The following WWOX variants were observed in gnomAD, a reference collection of about 807,000 sequenced individuals.
WWOX encodes the protein WW domain-containing oxidoreductase.
Under a neutral mutation model 46.2 loss-of-function variants are expected in WWOX, and 69 were observed. That is an observed-to-expected ratio of 1.49 (90% CI 1.23 to 1.82). The LOEUF is 1.82. WWOX is among the 40% of genes most tolerant of loss of function. WWOX has a pLI of 0.00. For missense variants in WWOX, 919 were observed against 542.6 expected (o/e 1.69, Z -6.89); for synonymous variants, 359 against 202.6 (o/e 1.77, Z -6.56).
chr16:78,954,692 G>C (rs953556574), intron 8 of WWOX, among the ~76,000 whole-genome samples: 1 of 152,290 alleles, frequency 6.6e-6, no homozygotes, highest in Middle Eastern at 3.4e-3. Context: ...CCTGTAATGG[G>C]AGTCTAGGGT....
chr16:79,121,344 C>G (rs1041764851), intron 8 of WWOX, among the ~76,000 whole-genome samples: 2 of 152,152 alleles, frequency 1.3e-5, no homozygotes, highest in Non-Finnish European at 2.9e-5. Context: ...CAGTCAGTAC[C>G]AGCTGCTGTG....
chr16:78,662,443 A>G (rs948516904), intron 8 of WWOX, among the ~76,000 whole-genome samples: 5 of 151,976 alleles, frequency 3.3e-5, no homozygotes, highest in African/African-American at 1.2e-4. Context: ...AGAAAACAGT[A>G]TTGGAAATTA....
chr16:78,753,105 G>A (rs188522195), intron 8 of WWOX, among the ~76,000 whole-genome samples: 2 of 152,118 alleles, frequency 1.3e-5, no homozygotes, highest in Non-Finnish European at 2.9e-5. Context: ...GACCATCCTG[G>A]CTAACATGGT....
intron 8 of WWOX, among the ~76,000 whole-genome samples, chr16:78,654,581 TATAA>T (rs1479587156): frequency 6.6e-6 from 1 of 152,304 alleles, no homozygotes; most frequent in Middle Eastern, 3.4e-3. Flanking sequence ...TTCTCCGTGA[TATAA>T]ATAGTTTTTT....
intron 8 of WWOX, among the ~76,000 whole-genome samples, chr16:79,067,474 G>A (rs905825592): frequency 6.6e-6 from 1 of 151,842 alleles, no homozygotes; most frequent in Non-Finnish European, 1.5e-5. Flanking sequence ...TGCTCTTCTC[G>A]GCTCCTGTGA....
At chr16:78,773,913 T>A (rs2050125749) in intron 8 of WWOX, among the ~76,000 whole-genome samples, 1 of 152,222 alleles carries the variant, frequency 6.6e-6, no homozygotes, top group South Asian at 2.1e-4. Context: ...AATTGGAATT[T>A]AACACAGTTT....
At chr16:78,993,285 G>A (rs2046924480) in intron 8 of WWOX, among the ~76,000 whole-genome samples, 1 of 152,020 alleles carries the variant, frequency 6.6e-6, no homozygotes, top group Non-Finnish European at 1.5e-5. Flanking sequence ...GGTTGGGGAA[G>A]GGAGGCCCTG....
At chr16:78,748,736 T>G (rs2049407915) in intron 8 of WWOX, among the ~76,000 whole-genome samples, 1 of 152,200 alleles carries the variant, frequency 6.6e-6, no homozygotes, top group South Asian at 2.1e-4. Flanking sequence ...CTGCAGTTAT[T>G]TTTCATGCAC....
chr16:78,947,461 C>A (rs372433014), intron 8 of WWOX, among the ~76,000 whole-genome samples: 29 of 152,246 alleles, frequency 1.9e-4, no homozygotes, highest in East Asian at 1.2e-3. Flanking sequence ...AGTGAGGAAA[C>A]GCTCTCTTCT....
At chr16:78,742,806 G>A (rs1386667556) in intron 8 of WWOX, among the ~76,000 whole-genome samples, 3 of 152,134 alleles carry the variant, frequency 2.0e-5, no homozygotes, top group Non-Finnish European at 4.4e-5. Context: ...GAAACTTTGC[G>A]GGAATTCACT....
At chr16:79,040,239 A>G (rs2047944646) in intron 8 of WWOX, among the ~76,000 whole-genome samples, 1 of 150,772 alleles carries the variant, frequency 6.6e-6, no homozygotes, top group South Asian at 2.1e-4. Context: ...CAAGTCCCAC[A>G]TCTCAGGTAC....
In WWOX at chr16:78,336,612, A is replaced by G. The variant is rs1231279790; in HGVS notation, c.517-50248A>G. 2.0e-5 allele frequency among the ~76,000 whole-genome samples: 3 copies of G among 151,998 alleles called. No homozygotes were observed. The East Asian group carries it at 5.8e-4, about 29-fold the overall frequency. On this transcript the variant is annotated intron_variant, in intron 5 of 8. Coordinates refer to ENST00000566780, the MANE Select transcript of WWOX (RefSeq NM_016373.4). ...GTGTTGAGGACCTGTCAAACAACAC[A>G]GTCCCCATCTGTACTTTGGGAGGTA...
At chr16:78,684,448 C>A (rs747905196) in intron 8 of WWOX, among the ~76,000 whole-genome samples, 1 of 152,186 alleles carries the variant, frequency 6.6e-6, no homozygotes, top group Non-Finnish European at 1.5e-5. Context: ...ACAGCTGTGG[C>A]GTGTTGAGTC....
At chr16:78,323,484 A>C (rs1374837481) in intron 5 of WWOX, among the ~76,000 whole-genome samples, 1 of 144,018 alleles carries the variant, frequency 6.9e-6, no homozygotes. Context: ...GAGACCCAGC[A>C]GTTTCTGCTT....
chr16:79,155,480 AT>A (rs1453334621), intron 8 of WWOX, among the ~76,000 whole-genome samples: 1 of 152,214 alleles, frequency 6.6e-6, no homozygotes, highest in Non-Finnish European at 1.5e-5. Context: ...TTCATATAGC[AT>A]TTAAAATGTA....
intron 2 of WWOX, 53 bp from the exon 3 acceptor site, chr16:78,109,725 G>T: frequency 1.2e-6 from 2 of 1,601,532 alleles, no homozygotes. Flanking sequence ...CTGACCCAGG[G>T]ATGGTCTTTA....
chr16:78,739,925 A>G (rs1017053122), intron 8 of WWOX, among the ~76,000 whole-genome samples: 4 of 152,170 alleles, frequency 2.6e-5, no homozygotes, highest in African/African-American at 9.7e-5. Context: ...TATTATTGCT[A>G]GGATGCATAT....
At chr16:78,858,778 A>G (rs1215991974) in intron 8 of WWOX, among the ~76,000 whole-genome samples, 2 of 151,676 alleles carry the variant, frequency 1.3e-5, no homozygotes, top group Admixed American at 1.3e-4. Flanking sequence ...TTCTAGGCTT[A>G]AGTGATTCTC....
intron 6 of WWOX, among the ~76,000 whole-genome samples, chr16:78,406,582 C>G (rs897752609): frequency 4.0e-5 from 6 of 150,626 alleles, no homozygotes; most frequent in African/African-American, 1.5e-4. Context: ...GTCTCCTGAC[C>G]TCGTGATCCG....
Sources: gnomAD v4.1 joint callset for allele counts (sites outside exome capture counted in the v4.1 genomes callset) on GRCh38, gnomAD v4.1.1 for gene constraint, MANE v1.5 for transcripts, NCBI Gene and HGNC (gene_info 2026-07-23, HGNC 2026-07-21) for gene names.